Variants in TMEM212 observed in about 807,000 individuals in gnomAD.
TMEM212 encodes transmembrane protein 212.
In TMEM212, 23 loss-of-function variants were observed where a neutral mutation model predicts 20.5. The ratio of observed to expected loss-of-function variants is 1.12; its 90% CI spans 0.81 to 1.59. The LOEUF (loss-of-function observed/expected upper bound fraction) is 1.59. Ranked by LOEUF, TMEM212 falls within the 40% of genes most tolerant of loss-of-function variation. The pLI, the probability that TMEM212 is intolerant of heterozygous loss-of-function variation, is 0.00. For missense variants in TMEM212, 211 were observed against 215.0 expected (o/e 0.98, Z 0.12); for synonymous variants, 76 against 81.6 (o/e 0.93, Z 0.37).
At chr3:171,851,908 CTG>C (rs1483123571) in intron 1 of TMEM212, 72 bp from the exon 2 acceptor site, 1 of 1,344,134 alleles carries the variant, frequency 7.4e-7, no homozygotes, top group African/African-American at 1.4e-5. Context: ...AGTTGTCAAA[CTG>C]TGAGACAGAT....
chr3:171,857,197 G>T (rs538939236), intron 4 of TMEM212, among the ~76,000 whole-genome samples: 148 of 151,940 alleles, frequency 9.7e-4, no homozygotes, highest in Non-Finnish European at 1.8e-3. Flanking sequence ...GCCCAAAAGA[G>T]TTCCATGATA....
At chr3:171,851,837 A>G (rs778530275) in intron 1 of TMEM212, 145 bp from the exon 2 acceptor site, 37 of 693,540 alleles carry the variant, frequency 5.3e-5, no homozygotes, top group Middle Eastern at 4.0e-4. Context: ...TCCACGGATG[A>G]GGAGGAAATC....
intron 1 of TMEM212, among the ~76,000 whole-genome samples, 157 bp downstream of exon 1, chr3:171,843,699 A>C (rs941654188): frequency 1.3e-5 from 2 of 152,238 alleles, no homozygotes; most frequent in African/African-American, 2.4e-5. Flanking sequence ...GATTTCTATT[A>C]ATTGCATTTT....
At chr3:171,852,987 G>T (rs1725019931) in intron 2 of TMEM212, among the ~76,000 whole-genome samples, 1 of 152,226 alleles carries the variant, frequency 6.6e-6, no homozygotes, top group African/African-American at 2.4e-5. Context: ...ATCCTGAGTA[G>T]CTGAGTAGCA....
chr3:171,847,368 G>A (rs563210977), intron 1 of TMEM212, among the ~76,000 whole-genome samples: 19 of 152,326 alleles, frequency 1.2e-4, no homozygotes, highest in African/African-American at 1.7e-4. Context: ...GAAAGGTCAC[G>A]CTAGATTTAG....
At chr3:171,853,393 C>T (rs1256027662) in intron 2 of TMEM212, 134 bp from the exon 3 acceptor site, 21 of 707,512 alleles carry the variant, frequency 3.0e-5, no homozygotes, top group East Asian at 2.2e-4. Flanking sequence ...AAGAGAGAGT[C>T]GTGATTGATT....
intron 1 of TMEM212, among the ~76,000 whole-genome samples, chr3:171,846,394 C>T (rs185257500): frequency 1.6e-4 from 25 of 152,280 alleles, no homozygotes; most frequent in African/African-American, 5.1e-4. Flanking sequence ...ATATAAGACA[C>T]TATATAATTT....
chr3:171,852,350 G>A (rs533094578), intron 2 of TMEM212, among the ~76,000 whole-genome samples: 98 of 152,054 alleles, frequency 6.4e-4, no homozygotes, highest in African/African-American at 2.1e-3. Flanking sequence ...ACAGGTGCAC[G>A]CCACCATGCC....
At chr3:171,855,392 C>T (rs187209665) in intron 3 of TMEM212, among the ~76,000 whole-genome samples, 149 of 152,182 alleles carry the variant, frequency 9.8e-4, no homozygotes, top group African/African-American at 3.5e-3. Context: ...ACAGGCAGGT[C>T]ACTTGAGGTC....
intron 1 of TMEM212, among the ~76,000 whole-genome samples, chr3:171,851,742 C>T (rs1273767642): frequency 6.6e-6 from 1 of 152,194 alleles, no homozygotes; most frequent in African/African-American, 2.4e-5. Context: ...ATGGCAAAGG[C>T]AACATAGAGA....
chr3:171,851,565 C>T (rs1354027981), intron 1 of TMEM212, among the ~76,000 whole-genome samples: 2 of 152,200 alleles, frequency 1.3e-5, no homozygotes, highest in South Asian at 2.1e-4. Context: ...AAAGTCGCCT[C>T]AGGGTTTTGT....
chr3:171,844,790 C>T (rs1174245832), intron 1 of TMEM212, among the ~76,000 whole-genome samples: 1 of 152,136 alleles, frequency 6.6e-6, no homozygotes, highest in Non-Finnish European at 1.5e-5. Flanking sequence ...TGAGATACCA[C>T]CTAAAAACTA....
At chr3:171,849,376 G>A (rs1479229492) in intron 1 of TMEM212, among the ~76,000 whole-genome samples, 1 of 152,122 alleles carries the variant, frequency 6.6e-6, no homozygotes, top group East Asian at 1.9e-4. Flanking sequence ...TTTTACACCT[G>A]AACTGTAAAT....
At chr3:171,855,521 T>C (rs1725094093) in intron 3 of TMEM212, among the ~76,000 whole-genome samples, 1 of 152,288 alleles carries the variant, frequency 6.6e-6, no homozygotes, top group Admixed American at 6.5e-5. Flanking sequence ...GTACCTATTA[T>C]GTGCCAGACC....
chr3:171,849,596 CA>C (rs1241964314), intron 1 of TMEM212, among the ~76,000 whole-genome samples: 8 of 152,190 alleles, frequency 5.3e-5, no homozygotes, highest in Non-Finnish European at 1.0e-4. Context: ...ACTTTATCAG[CA>C]CAGTACCTAG....
intron 1 of TMEM212, among the ~76,000 whole-genome samples, chr3:171,851,128 C>A (rs1724968424): frequency 6.6e-6 from 1 of 152,210 alleles, no homozygotes; most frequent in Admixed American, 6.5e-5. Context: ...ATTTTAGGCA[C>A]ATCTCTTCCT....
intron 3 of TMEM212, among the ~76,000 whole-genome samples, chr3:171,855,440 C>T (rs1363241869): frequency 6.6e-6 from 1 of 152,054 alleles, no homozygotes; most frequent in Non-Finnish European, 1.5e-5. Flanking sequence ...CGGTGAAACC[C>T]CATCTCTACT....
At chr3:171,850,693 G>A (rs1276982647) in intron 1 of TMEM212, among the ~76,000 whole-genome samples, 4 of 152,166 alleles carry the variant, frequency 2.6e-5, no homozygotes, top group Admixed American at 2.6e-4. Context: ...CCTCCATAGG[G>A]TCCCTTGGAA....
intron 3 of TMEM212, among the ~76,000 whole-genome samples, chr3:171,854,883 A>G (rs1400187437): frequency 6.6e-6 from 1 of 152,194 alleles, no homozygotes; most frequent in East Asian, 1.9e-4. Flanking sequence ...TTGTTCAAGA[A>G]AAAGGGATAT....
Sources: gnomAD v4.1 joint callset for allele counts (sites outside exome capture counted in the v4.1 genomes callset) on GRCh38, gnomAD v4.1.1 for gene constraint, MANE v1.5 for transcripts, NCBI Gene and HGNC (gene_info 2026-07-23, HGNC 2026-07-21) for gene names.